Variants in GRXCR1 observed in about 807,000 individuals in gnomAD.
GRXCR1 encodes glutaredoxin and cysteine rich domain containing 1.
A neutral mutation model predicts 27.3 loss-of-function variants in GRXCR1; 27 were observed. The ratio of observed to expected loss-of-function variants is 0.99; its 90% CI spans 0.73 to 1.37. The LOEUF is 1.37. Ranked by LOEUF, GRXCR1 falls within the 40% of genes most tolerant of loss-of-function variation. The probability of loss-of-function intolerance (pLI) is 0.00; values close to 1 mark genes in which losing one functional copy is unlikely to be tolerated. For synonymous variants in GRXCR1, 122 were observed against 131.1 expected, an observed-to-expected ratio of 0.93 and a Z score of 0.47; for missense variants, 379 against 354.4, an observed-to-expected ratio of 1.07 and a Z score of -0.56.
At chr4:42,973,473 T>G (rs77377069) in intron 2 of GRXCR1, among the ~76,000 whole-genome samples, 1 of 146,186 alleles carries the variant, frequency 6.8e-6, no homozygotes, top group Non-Finnish European at 1.5e-5. Context: ...CTTGCCGATG[T>G]TTTTTTTTTC....
chr4:42,920,008 A>G (rs1284557131), intron 1 of GRXCR1, among the ~76,000 whole-genome samples: 1 of 152,100 alleles, frequency 6.6e-6, no homozygotes, highest in African/African-American at 2.4e-5. Context: ...TTTGTGGTAA[A>G]AGGAAATGGA....
chr4:42,981,115 C>G (rs905478799), intron 2 of GRXCR1, among the ~76,000 whole-genome samples: 1 of 149,784 alleles, frequency 6.7e-6, no homozygotes, highest in African/African-American at 2.4e-5. Context: ...TTTCCTTCTG[C>G]TGTCTTCCTT....
chr4:42,970,231 C>T (rs1285853835), intron 2 of GRXCR1, among the ~76,000 whole-genome samples: 2 of 152,116 alleles, frequency 1.3e-5, no homozygotes, highest in African/African-American at 2.4e-5. Flanking sequence ...CTTTTCCAGA[C>T]ACATGGTACA....
intron 1 of GRXCR1, among the ~76,000 whole-genome samples, chr4:42,894,520 G>C (rs1354908815): frequency 6.6e-6 from 1 of 151,980 alleles, no homozygotes; most frequent in Non-Finnish European, 1.5e-5. Context: ...TAAATAAAAT[G>C]ATCTCTTGTG....
chr4:43,010,768 T>A (rs1421105238), intron 2 of GRXCR1, among the ~76,000 whole-genome samples: 1 of 152,194 alleles, frequency 6.6e-6, no homozygotes, highest in Non-Finnish European at 1.5e-5. Context: ...GTGTGATTTT[T>A]AAAAAAGCTC....
intron 2 of GRXCR1, among the ~76,000 whole-genome samples, chr4:42,988,051 T>A (rs1337739647): frequency 6.6e-6 from 1 of 152,072 alleles, no homozygotes; most frequent in Non-Finnish European, 1.5e-5. Flanking sequence ...TGCTAGAGCT[T>A]AAAATAACCT....
intron 1 of GRXCR1, among the ~76,000 whole-genome samples, chr4:42,894,952 TA>T (rs1300378375): frequency 6.6e-6 from 1 of 152,172 alleles, no homozygotes; most frequent in African/African-American, 2.4e-5. Flanking sequence ...TCATTATGAT[TA>T]ACTTAGTTTG....
chr4:42,976,265 C>G (rs1255789531), intron 2 of GRXCR1, among the ~76,000 whole-genome samples: 1 of 152,016 alleles, frequency 6.6e-6, no homozygotes, highest in African/African-American at 2.4e-5. Context: ...AACATGCAAT[C>G]TGGTAAAAAG....
intron 2 of GRXCR1, among the ~76,000 whole-genome samples, chr4:42,970,585 A>C (rs1748362029): frequency 6.6e-6 from 1 of 152,148 alleles, no homozygotes; most frequent in African/African-American, 2.4e-5. Flanking sequence ...CCTTTTAGCC[A>C]AAGCTGGAGC....
chr4:42,937,950 T>C (rs1747498651), intron 1 of GRXCR1, among the ~76,000 whole-genome samples: 1 of 151,958 alleles, frequency 6.6e-6, no homozygotes, highest in African/African-American at 2.4e-5. Flanking sequence ...TCTAAGTTAT[T>C]GTAAAATGTA....
intron 1 of GRXCR1, among the ~76,000 whole-genome samples, chr4:42,924,521 G>A (rs768156881): frequency 6.6e-6 from 1 of 152,012 alleles, no homozygotes; most frequent in Non-Finnish European, 1.5e-5. Context: ...TGCAGCTCAG[G>A]ACTTTCTAAA....
chr4:42,901,362 G>A (rs1392054124), intron 1 of GRXCR1, among the ~76,000 whole-genome samples: 1 of 152,126 alleles, frequency 6.6e-6, no homozygotes, highest in African/African-American at 2.4e-5. Flanking sequence ...CAAAGTTTTG[G>A]CAGTGCTGCT....
At chr4:42,900,690 A>G (rs1262905481) in intron 1 of GRXCR1, among the ~76,000 whole-genome samples, 2 of 152,124 alleles carry the variant, frequency 1.3e-5, no homozygotes, top group African/African-American at 4.8e-5. Flanking sequence ...AGGTCAGTGG[A>G]AAGAGAATAG....
intron 2 of GRXCR1, among the ~76,000 whole-genome samples, chr4:42,966,297 C>A (rs1460107953): frequency 6.6e-6 from 1 of 151,962 alleles, no homozygotes; most frequent in Non-Finnish European, 1.5e-5. Context: ...AGTAGAAATC[C>A]ACAAAACCCA....
chr4:42,965,373 C>G (rs1357149161), intron 2 of GRXCR1, among the ~76,000 whole-genome samples: 1 of 151,992 alleles, frequency 6.6e-6, no homozygotes, highest in Non-Finnish European at 1.5e-5. Context: ...AAAATTACTT[C>G]TAAATCTTTA....
intron 1 of GRXCR1, among the ~76,000 whole-genome samples, chr4:42,931,896 G>A (rs1747319352): frequency 6.6e-6 from 1 of 151,948 alleles, no homozygotes; most frequent in African/African-American, 2.4e-5. Flanking sequence ...GTTCCACATG[G>A]CTGCGGAGGC....
At chr4:42,981,959 T>G (rs1454982110) in intron 2 of GRXCR1, among the ~76,000 whole-genome samples, 2 of 152,186 alleles carry the variant, frequency 1.3e-5, no homozygotes, top group Non-Finnish European at 2.9e-5. Context: ...TTGACCTCCC[T>G]GTGTCTAGAT....
At chr4:43,014,237 G>A (rs1712861092) in intron 2 of GRXCR1, among the ~76,000 whole-genome samples, 1 of 152,066 alleles carries the variant, frequency 6.6e-6, no homozygotes, top group East Asian at 1.9e-4. Flanking sequence ...TAAGTGTTTG[G>A]CACAGAACTC....
chr4:43,026,877 C>T (rs1405846345), intron 3 of GRXCR1, among the ~76,000 whole-genome samples: 2 of 152,176 alleles, frequency 1.3e-5, no homozygotes, highest in Admixed American at 6.5e-5. Flanking sequence ...ACGTTTATGG[C>T]TGAAATAGCT....
Sources: gnomAD v4.1 joint callset for allele counts (sites outside exome capture counted in the v4.1 genomes callset) on GRCh38, gnomAD v4.1.1 for gene constraint, MANE v1.5 for transcripts, NCBI Gene and HGNC (gene_info 2026-07-23, HGNC 2026-07-21) for gene names.